Variants in BAHCC1 observed in about 807,000 individuals in gnomAD.
BAHCC1 encodes the protein BAH and coiled-coil domain-containing protein 1.
Under a neutral mutation model 88.2 loss-of-function variants are expected in BAHCC1, and 43 were observed. The observed-to-expected ratio is 0.49, with a 90% CI of 0.38 to 0.63. The LOEUF is 0.63. BAHCC1 is among the 20% of genes least tolerant of loss of function. The pLI is 0.00. For missense variants in BAHCC1, 3,023 were observed against 1,654.8 expected, an observed-to-expected ratio of 1.83 and a Z score of -14.34; for synonymous variants, 1,510 against 745.5, an observed-to-expected ratio of 2.03 and a Z score of -16.71.
rs1433480308 is a variant in BAHCC1 at position 81,428,139 on chromosome 17, G to GC, written c.358+1163dup. 3.1e-3 allele frequency among the ~76,000 whole-genome samples: 474 copies of GC among 152,228 alleles called. 3 individuals carry two copies. Among genetic ancestry groups the GC allele is most frequent in the African/African-American group, 0.011 (455 of 41,538 alleles). ...TGGGGTCCTCGGTCCAGACTCCCCT[G>GC]CCCAGACTCCCCTGCCCCTTCCTCC... On this transcript the variant is annotated intron_variant, in intron 3 of 27. Coordinates refer to ENST00000675386, the MANE Select transcript of BAHCC1 (RefSeq NM_001377448.1).
In BAHCC1 at chr17:81,399,147, G is replaced by GTGTGTT. The variant is rs2063778197; in HGVS notation, c.-206-382_-206-381insTTGTGT. The GTGTGTT allele has an allele frequency of 2.6e-6, 1 of 381,554 alleles. No homozygotes were observed. Among genetic ancestry groups the GTGTGTT allele is most frequent in the African/African-American group, 2.3e-5 (1 of 43,576 alleles). The allele number at this position is 381,554 out of a possible 1,614,324, so 23.6% of individuals were successfully genotyped here. A position where few individuals can be genotyped will look rare whatever the true frequency, so the allele number is the denominator to read the frequency against. ...CGTGTGAGTGTGTGTGTGTGTGTGTGTGTGTGCGAGTGTGCGTGATGGCTT... is the reference window on the plus strand; with the variant it reads ...CGTGTGAGTGTGTGTGTGTGTGTGTGTGTGTTTGTGTGCGAGTGTGCGTGATGGCTT... On this transcript the variant is annotated intron_variant, in intron 1 of 27. Transcript: ENST00000675386. The surrounding 1 kb of genome is among the most constrained non-coding windows in gnomAD (Gnocchi z 4.5).
intron 11 of BAHCC1, chr17:81,451,236 G>A (rs760667033): frequency 8.7e-4 from 149 of 172,116 alleles, no homozygotes; most frequent in Non-Finnish European, 1.4e-3. Flanking sequence ...TTCCGTGCAC[G>A]AGGCCTCAGT....
rs973833227 is a variant in BAHCC1 at position 81,411,626 on chromosome 17, C to T, written c.178+11709C>T. ...GAAGACGGGTGAGCTGCTGGCCACC[C>T]GAAGAGGGTGTGGGGTGGTCAGGTT... is the stretch of plus-strand genomic sequence containing the variant. On this transcript the variant is annotated intron_variant, in intron 2 of 27. Transcript: ENST00000675386. This position sits in a 1 kb window ranked among gnomAD's most constrained non-coding sequence, Gnocchi z 6.2. The T allele has an allele frequency of 1.2e-5, 5 of 422,492 alleles. No homozygotes were observed. The highest frequency in any genetic ancestry group is 6.1e-5 in the African/African-American group (3 of 48,786). 26.2% of individuals were successfully genotyped at this position (422,492 alleles called of 1,614,324 possible).
intron 2 of BAHCC1, chr17:81,422,949 G>A: frequency 3.5e-6 from 1 of 283,168 alleles, no homozygotes; most frequent in South Asian, 2.6e-5. Context: ...GTGTCCCCAA[G>A]CAGGGGAAGC....
rs537272946 is a variant in BAHCC1 at position 81,453,158 on chromosome 17, C to A, written c.4445+307C>A. Among the ~76,000 whole-genome samples the A allele has an allele frequency of 1.6e-3, 241 of 152,374 alleles. 2 individuals carry two copies. Among genetic ancestry groups the A allele is most frequent in the African/African-American group, 5.5e-3 (229 of 41,580 alleles). ...ACCTGGCTGTGGCATCGTCCCCGCC[C>A]GGCCCCCCTGGAGTGTGAGGCGGTG... On this transcript the variant is annotated intron_variant, in intron 14 of 27. Coordinates refer to ENST00000675386, the MANE Select transcript of BAHCC1 (RefSeq NM_001377448.1).
rs1555647888 is a variant in BAHCC1, at chr17:81,411,614, C to T, written c.178+11697C>T. 2.3e-6 allele frequency: 1 copy of T among 435,496 alleles called. No individual in the cohort carries two copies. The highest frequency in any genetic ancestry group is 1.6e-5 in the South Asian group (1 of 61,056). The allele number at this position is 435,496 out of a possible 1,614,324, so 27.0% of individuals were successfully genotyped here. A position where few individuals can be genotyped will look rare whatever the true frequency, so the allele number is the denominator to read the frequency against. ...CCCAGCACCCACGAAGACGGGTGAG[C>T]TGCTGGCCACCCGAAGAGGGTGTGG... On this transcript the variant is annotated intron_variant, in intron 2 of 27. Coordinates refer to ENST00000675386, the MANE Select transcript of BAHCC1 (RefSeq NM_001377448.1). The surrounding 1 kb of genome is among the most constrained non-coding windows in gnomAD (Gnocchi z 6.2).
At chr17:81,398,000 C>T (rs1466378191) in intron 1 of BAHCC1, among the ~76,000 whole-genome samples, 1 of 152,092 alleles carries the variant, frequency 6.6e-6, no homozygotes, top group Non-Finnish European at 1.5e-5. Context: ...TTTTAGAACC[C>T]GGACCATAAA....
rs2064431664 is a variant in BAHCC1 at position 81,442,242 on chromosome 17, C to T, written c.893C>T (p.Ala298Val). ...CTCAACGGCGAGATGGGCAGGGCTGCGCTAGCCAGCTGTGCAGGGGGCATG... is the reference window on the plus strand; with the variant it reads ...CTCAACGGCGAGATGGGCAGGGCTGTGCTAGCCAGCTGTGCAGGGGGCATG... ...KVLNGEMGRA[A>V]LASCAGGMLG... The change falls in exon 5 of 28, where the codon GCG (alanine) becomes GTG (valine). Residue 298 changes from alanine to valine, a missense_variant. By Grantham distance (64) the Ala-to-Val change is moderately conservative (BLOSUM62 0). Coordinates refer to ENST00000675386, the MANE Select transcript of BAHCC1 (RefSeq NM_001377448.1). 1 of 631,842 alleles carries T rather than the reference C, an allele frequency of 1.6e-6. No homozygotes were observed. Among genetic ancestry groups the T allele is most frequent in the Non-Finnish European group, 2.9e-6 (1 of 350,554 alleles). The allele number at this position is 631,842 out of a possible 1,614,324, so 39.1% of individuals were successfully genotyped here.
chr17:81,397,927 C>T (rs782534102), intron 1 of BAHCC1, among the ~76,000 whole-genome samples: 5 of 152,212 alleles, frequency 3.3e-5, no homozygotes, highest in African/African-American at 1.2e-4. Context: ...TATGTATTCA[C>T]TTAATACATT....
intron 2 of BAHCC1, among the ~76,000 whole-genome samples, chr17:81,406,468 C>G (rs1157422003): frequency 6.6e-6 from 1 of 152,126 alleles, no homozygotes. Context: ...CACAGTGTAA[C>G]AAGCAAAAAA....
At chr17:81,448,009 G>A (rs541446080) in intron 11 of BAHCC1, among the ~76,000 whole-genome samples, 161 bp downstream of exon 11, 5 of 152,298 alleles carry the variant, frequency 3.3e-5, no homozygotes, top group Middle Eastern at 3.4e-3. Context: ...GCCGTCCCTC[G>A]TCCATGGAAG....
At position 81,458,093 on chromosome 17, in the gene BAHCC1, C is replaced by T. The variant is rs993232609; in HGVS notation, c.5042-72C>T. The T allele has an allele frequency of 1.1e-4, 75 of 698,882 alleles. 1 individual carries two copies. The highest frequency in any genetic ancestry group is 4.5e-4 in the South Asian group (29 of 65,090). 43.3% of individuals were successfully genotyped at this position (698,882 alleles called of 1,614,324 possible). On this transcript the variant is annotated intron_variant, in intron 17 of 27. Coordinates refer to ENST00000675386, the MANE Select transcript of BAHCC1 (RefSeq NM_001377448.1). ...TTGCTAGGTAACCAGGAGGGAGGAC[C>T]GGCACAGTCAGCCCAACCAGCCGGG...
At chr17:81,400,174 G>A (rs1487895770) in intron 2 of BAHCC1, among the ~76,000 whole-genome samples, 1 of 152,130 alleles carries the variant, frequency 6.6e-6, no homozygotes, top group East Asian at 1.9e-4. Context: ...TGAAATTAAA[G>A]CCTTTCCGCG....
At position 81,451,235 on chromosome 17, in the gene BAHCC1, C is replaced by T. The variant is rs58127114; in HGVS notation, c.3977-433C>T. ...GTTGAACTTCAGCAGCTTCCGTGCA[C>T]GAGGCCTCAGTGGGCTCTCGTAGCA... On this transcript the variant is annotated intron_variant, in intron 11 of 27. Coordinates refer to ENST00000675386, the MANE Select transcript of BAHCC1 (RefSeq NM_001377448.1). 2.5e-3 allele frequency: 429 copies of T among 172,380 alleles called. 3 individuals are homozygous for T. The highest frequency in any genetic ancestry group is 9.4e-3 in the African/African-American group (396 of 42,184). 10.7% of individuals were successfully genotyped at this position (172,380 alleles called of 1,614,324 possible).
intron 11 of BAHCC1, among the ~76,000 whole-genome samples, chr17:81,448,978 G>A (rs148052269): frequency 6.6e-6 from 1 of 152,326 alleles, no homozygotes; most frequent in East Asian, 1.9e-4. Context: ...CCAGGGACCC[G>A]CCGTGGGAGG....
chr17:81,417,448 C>G (rs1242564221), intron 2 of BAHCC1, among the ~76,000 whole-genome samples: 1 of 152,006 alleles, frequency 6.6e-6, no homozygotes, highest in Non-Finnish European at 1.5e-5. Flanking sequence ...AGAGAGGGAG[C>G]CTGCCTGTGC....
In BAHCC1 at chr17:81,411,287, C is replaced by T. The variant is rs2063947052; in HGVS notation, c.178+11370C>T. The T allele has an allele frequency of 8.9e-6, 4 of 449,310 alleles. No homozygotes were observed. Among genetic ancestry groups the T allele is most frequent in the Admixed American group, 7.2e-5 (3 of 41,646 alleles). 27.8% of individuals were successfully genotyped at this position (449,310 alleles called of 1,614,324 possible). A position where few individuals can be genotyped will look rare whatever the true frequency, so the allele number is the denominator to read the frequency against. On this transcript the variant is annotated intron_variant, in intron 2 of 27. Transcript: ENST00000675386. This position sits in a 1 kb window ranked among gnomAD's most constrained non-coding sequence, Gnocchi z 6.2. ...TCTCGGCAGCTCCCAAACCCTGACCCCAGACAGGCAGCAGGAGCTGGACGT... is the reference window on the plus strand; with the variant it reads ...TCTCGGCAGCTCCCAAACCCTGACCTCAGACAGGCAGCAGGAGCTGGACGT...
At chr17:81,423,448 C>G (rs1469488488) in intron 2 of BAHCC1, among the ~76,000 whole-genome samples, 3 of 151,996 alleles carry the variant, frequency 2.0e-5, no homozygotes, top group Non-Finnish European at 4.4e-5. Flanking sequence ...TTCACAAATT[C>G]CCCCTGCCTC....
Position 81,464,088 on chromosome 17 carries a change from C to T in BAHCC1, c.*271C>T, listed in dbSNP as rs1049721613. On this transcript the variant is annotated 3_prime_UTR_variant, in exon 28 of 28. Coordinates refer to ENST00000675386, the MANE Select transcript of BAHCC1 (RefSeq NM_001377448.1). ...GGCCCGCCCCACCCACAGCGCCCTC[C>T]GTTTCCCGCACCGGCAGTTCACGGG... The T allele has an allele frequency of 1.8e-5, 10 of 549,444 alleles. No homozygotes were observed. The highest frequency in any genetic ancestry group is 3.3e-5 in the Non-Finnish European group (10 of 304,868). 34.0% of individuals were successfully genotyped at this position (549,444 alleles called of 1,614,324 possible). A position where few individuals can be genotyped will look rare whatever the true frequency, so the allele number is the denominator to read the frequency against.
Sources: gnomAD v4.1 joint callset for allele counts (sites outside exome capture counted in the v4.1 genomes callset) on GRCh38, gnomAD v4.1.1 for gene constraint, Gnocchi (gnomAD v3.1) non-coding constraint, MANE v1.5 for transcripts, NCBI Gene and HGNC (gene_info 2026-07-23, HGNC 2026-07-21) for gene names.